STK31: variants seen among roughly 807,000 people sequenced by gnomAD.
STK31 encodes the protein serine/threonine kinase 31, also known as serine/threonine-protein kinase 31.
STK31 carries 89 observed loss-of-function variants against 129.7 expected under a neutral mutation model. The observed-to-expected ratio is 0.69, with a 90% CI of 0.58 to 0.82. The LOEUF is 0.82. STK31 is among the 40% of genes least tolerant of loss of function. The pLI, the probability that STK31 is intolerant of heterozygous loss-of-function variation, is 0.00. For synonymous variants in STK31, 448 were observed against 395.3 expected (o/e 1.13, Z -1.58); for missense variants, 1,187 against 1,176.4 (o/e 1.01, Z -0.13).
intron 3 of STK31, among the ~76,000 whole-genome samples, chr7:23,714,020 T>C (rs1055055371): frequency 2.0e-5 from 3 of 152,156 alleles, no homozygotes; most frequent in African/African-American, 7.2e-5. Context: ...AATGCATTGT[T>C]CTATGATGTT....
At position 23,769,644 on chromosome 7, in the gene STK31, T is replaced by G. The variant is rs199784381; in HGVS notation, c.1601T>G (p.Phe534Cys). The stretch of plus-strand genomic sequence containing the variant: ...GTGTTTATTTTTGCAAATGAGGTTT[T>G]TGACCTATCTGTGGAAGGATCACTG... ...VAWFQRTLKVFDLSVEGSLIS... is the reference protein window; with the variant it reads ...VAWFQRTLKVCDLSVEGSLIS... Residue 534 changes from phenylalanine (F) to cysteine (C), a missense_variant, in exon 13 of 24, where the codon TTT (phenylalanine) becomes TGT (cysteine). Phe to Cys is a radical substitution (Grantham distance 205). Coordinates refer to ENST00000355870, the MANE Select transcript of STK31 (RefSeq NM_031414.5). 1 of 1,604,172 alleles carries G rather than the reference T, an allele frequency of 6.2e-7. No individual in the cohort carries two copies.
At chr7:23,723,368 A>T (rs1351584220) in intron 4 of STK31, among the ~76,000 whole-genome samples, 1 of 152,206 alleles carries the variant, frequency 6.6e-6, no homozygotes, top group South Asian at 2.1e-4. Flanking sequence ...AAATTAGCCC[A>T]TCTGAGACCC....
chr7:23,728,360 G>T (rs894815483), intron 5 of STK31, among the ~76,000 whole-genome samples: 1 of 152,058 alleles, frequency 6.6e-6, no homozygotes, highest in African/African-American at 2.4e-5. Context: ...GTGATAAGAT[G>T]CTAAGATGTG....
In STK31 at chr7:23,710,736, A is replaced by C. The variant is rs1785903831; in HGVS notation, c.50+401A>C. 5.6e-6 allele frequency: 6 copies of C among 1,063,202 alleles called. No individual in the cohort carries two copies. The South Asian group carries it at 1.3e-4, about 23-fold the overall frequency. 65.9% of individuals were successfully genotyped at this position (1,063,202 alleles called of 1,614,324 possible). A position where few individuals can be genotyped will look rare whatever the true frequency, so the allele number is the denominator to read the frequency against. ...ACTATTTTGTGATCTCTGTTTGCAGAAAGTGGGTACGGCATCAGTGCCTTC... is the reference window on the plus strand; with the variant it reads ...ACTATTTTGTGATCTCTGTTTGCAGCAAGTGGGTACGGCATCAGTGCCTTC... On this transcript the variant is annotated intron_variant, in intron 1 of 23. Coordinates refer to ENST00000355870, the MANE Select transcript of STK31 (RefSeq NM_031414.5).
In STK31 at chr7:23,823,096, A is replaced by C. The variant is rs569026985; in HGVS notation, c.2829+7884A>C. ...CTTTATAGCAGCATGATTTATAATC[A>C]TTTGGGTATATACCCAGTAATGGGA... On this transcript the variant is annotated intron_variant, in intron 23 of 23. Coordinates refer to ENST00000355870, the MANE Select transcript of STK31 (RefSeq NM_031414.5). Among the ~76,000 whole-genome samples, 374 of 152,218 alleles carry C rather than the reference A, an allele frequency of 2.5e-3. 3 individuals are homozygous for C. The highest frequency in any genetic ancestry group is 8.3e-3 in the African/African-American group (347 of 41,558).
At chr7:23,813,364 A>C (rs1278708119) in intron 22 of STK31, among the ~76,000 whole-genome samples, 3 of 152,040 alleles carry the variant, frequency 2.0e-5, no homozygotes, top group Non-Finnish European at 4.4e-5. Context: ...TTGTCAGATA[A>C]TTATGTGATT....
intron 15 of STK31, among the ~76,000 whole-genome samples, chr7:23,776,685 A>C (rs1216853657): frequency 1.3e-5 from 2 of 151,936 alleles, no homozygotes; most frequent in East Asian, 3.8e-4. Context: ...TATCCCCTTT[A>C]TCATTTTTTA....
At position 23,787,055 on chromosome 7, in the gene STK31, A is replaced by G. The variant is rs1343786743; in HGVS notation, c.2487+131A>G. 6 of 787,780 alleles carry G rather than the reference A, an allele frequency of 7.6e-6. No individual in the cohort carries two copies. The African/African-American group carries it at 1.0e-4, about 14-fold the overall frequency. 48.8% of individuals were successfully genotyped at this position (787,780 alleles called of 1,614,324 possible). On this transcript the variant is annotated intron_variant, in intron 20 of 23. Coordinates refer to ENST00000355870, the MANE Select transcript of STK31 (RefSeq NM_031414.5). Reference sequence around the variant, plus strand: ...TCATGGTATTCTATTTGTCACCTCAAGCCTGTGATAGAAGTTATCGTGTTA... The same window carrying G: ...TCATGGTATTCTATTTGTCACCTCAGGCCTGTGATAGAAGTTATCGTGTTA...
intron 7 of STK31, 94 bp from the exon 8 acceptor site, chr7:23,736,810 A>G (rs1787745417): frequency 6.1e-6 from 6 of 981,968 alleles, no homozygotes; most frequent in Non-Finnish European, 8.4e-6. Context: ...TTTCAGATAT[A>G]TTGTGGCATA....
intron 21 of STK31, among the ~76,000 whole-genome samples, chr7:23,789,111 C>T (rs1055449507): frequency 2.6e-5 from 4 of 152,108 alleles, no homozygotes; most frequent in South Asian, 2.1e-4. Flanking sequence ...AGTTCATCCA[C>T]GTTATTGACT....
intron 15 of STK31, among the ~76,000 whole-genome samples, chr7:23,778,174 T>A (rs1790678120): frequency 6.6e-6 from 1 of 152,206 alleles, no homozygotes; most frequent in Non-Finnish European, 1.5e-5. Context: ...CCCACTCTCT[T>A]CTGGCATTGT....
Position 23,771,346 on chromosome 7 carries a change from T to G in STK31, c.1833+222T>G, listed in dbSNP as rs1790181250. 1.2e-5 allele frequency: 4 copies of G among 334,922 alleles called. No homozygotes were observed. The South Asian group carries it at 2.9e-4, about 24-fold the overall frequency. 20.7% of individuals were successfully genotyped at this position (334,922 alleles called of 1,614,324 possible). A position where few individuals can be genotyped will look rare whatever the true frequency, so the allele number is the denominator to read the frequency against. On this transcript the variant is annotated intron_variant, in intron 14 of 23. Transcript: ENST00000355870. ...TGAGAACCACAATTTTTAACATCAT[T>G]TTCTTTTTGCCTGTATGAGTCTACT...
At chr7:23,773,152 G>A (rs930610657) in intron 15 of STK31, among the ~76,000 whole-genome samples, 3 of 151,962 alleles carry the variant, frequency 2.0e-5, no homozygotes, top group African/African-American at 7.3e-5. Context: ...CCATCAACCC[G>A]TCACCTACAT....
chr7:23,748,907 T>C (rs1454859740), intron 8 of STK31, among the ~76,000 whole-genome samples: 2 of 152,222 alleles, frequency 1.3e-5, no homozygotes, highest in Non-Finnish European at 2.9e-5. Flanking sequence ...CCCCTAACAC[T>C]TGCTTTGTTC....
At chr7:23,802,806 G>A (rs1013662097) in intron 22 of STK31, among the ~76,000 whole-genome samples, 2 of 152,240 alleles carry the variant, frequency 1.3e-5, no homozygotes, top group African/African-American at 2.4e-5. Context: ...GAGCCACTGC[G>A]CCTGGCTGCT....
chr7:23,801,966 A>G (rs1792401163), intron 22 of STK31, among the ~76,000 whole-genome samples: 1 of 152,102 alleles, frequency 6.6e-6, no homozygotes, highest in African/African-American at 2.4e-5. Context: ...ATTGGGTAGT[A>G]TGATTCTTTT....
intron 22 of STK31, among the ~76,000 whole-genome samples, chr7:23,798,831 G>C (rs191350673): frequency 2.2e-4 from 34 of 152,266 alleles, no homozygotes; most frequent in African/African-American, 7.7e-4. Flanking sequence ...TGACATGATT[G>C]TATATTTAGA....
intron 10 of STK31, among the ~76,000 whole-genome samples, chr7:23,759,269 A>G (rs1228561740): frequency 6.6e-6 from 1 of 152,236 alleles, no homozygotes; most frequent in Non-Finnish European, 1.5e-5. Context: ...TTAGCTCTCT[A>G]TCAAGTGGAC....
chr7:23,808,970 T>TGTGTGTGTGTGTGTGTGTGTGTGTGCGC (rs60631283), intron 22 of STK31, among the ~76,000 whole-genome samples: 1,924 of 139,572 alleles, frequency 0.014, 25 homozygotes, highest in Non-Finnish European at 0.02. Flanking sequence ...TGTGTGTGTG[T>TGTGTGTGTGTGTGTGTGTGTGTGTGCGC]GCCTGTGTCT....
Sources: allele counts gnomAD v4.1 joint callset (sites outside exome capture counted in the v4.1 genomes callset), GRCh38; gene constraint gnomAD v4.1.1; transcripts MANE v1.5; gene names NCBI Gene and HGNC (gene_info 2026-07-23, HGNC 2026-07-21).